EVC2: variants seen among roughly 807,000 people sequenced by gnomAD.
EVC2 encodes limbin.
EVC2 carries 148 observed loss-of-function variants against 149.3 expected under a neutral mutation model. That is an observed-to-expected ratio of 0.99 (90% CI 0.87 to 1.14). EVC2 has a LOEUF of 1.14. Ranked by LOEUF, EVC2 falls within the 50% of genes most tolerant of loss-of-function variation. The pLI is 0.00. For missense variants in EVC2, 1,854 were observed against 1,627.3 expected (o/e 1.14, Z -2.40); for synonymous variants, 776 against 649.9 (o/e 1.19, Z -2.95).
downstream of EVC2, among the ~76,000 whole-genome samples, chr4:5,539,233 C>T (rs146971719): frequency 2.6e-3 from 389 of 152,258 alleles, 3 homozygotes; most frequent in African/African-American, 8.9e-3. Flanking sequence ...ATGGATGAAT[C>T]TGACAAAAGT....
intron 15 of EVC2, among the ~76,000 whole-genome samples, chr4:5,616,996 C>G (rs990816058): frequency 1.3e-5 from 2 of 152,154 alleles, no homozygotes; most frequent in Non-Finnish European, 2.9e-5. Context: ...TATTTTCCCC[C>G]ATTGTTCAAA....
intron 1 of EVC2, among the ~76,000 whole-genome samples, chr4:5,703,194 A>G (rs935129807): frequency 2.0e-5 from 3 of 152,230 alleles, no homozygotes. Context: ...GCTTAAAGTC[A>G]AAGTATCCAA....
At chr4:5,615,604 T>A in intron 15 of EVC2, 60 bp from the exon 16 acceptor site, 2 of 1,612,694 alleles carry the variant, frequency 1.2e-6, no homozygotes, top group African/African-American at 1.3e-5. Flanking sequence ...TCCATGCAGC[T>A]CCCCCGAGGG....
At chr4:5,581,870 C>A (rs1711831409) in intron 17 of EVC2, among the ~76,000 whole-genome samples, 2 of 152,248 alleles carry the variant, frequency 1.3e-5, no homozygotes, top group Non-Finnish European at 2.9e-5. Context: ...CCAGCCTCAG[C>A]TCAAAGGACC....
rs1722012396 is a variant in EVC2, at chr4:5,562,439, T to C, written c.*409A>G. The C allele has an allele frequency of 9.6e-7, 1 of 1,041,134 alleles. No homozygotes were observed. Among genetic ancestry groups the C allele is most frequent in the Non-Finnish European group, 1.2e-6 (1 of 856,940 alleles). 64.5% of individuals were successfully genotyped at this position (1,041,134 alleles called of 1,614,324 possible). A position where few individuals can be genotyped will look rare whatever the true frequency, so the allele number is the denominator to read the frequency against. ...AAACATGGGTTTTGTAATAAACAGC[T>C]TTGTGCAAAACACATTTATTTTTTA... On this transcript the variant is annotated 3_prime_UTR_variant, in exon 22 of 22. Transcript: ENST00000344408. This position sits in a 1 kb window ranked among gnomAD's most constrained non-coding sequence, Gnocchi z 4.3.
At chr4:5,575,772 A>G (rs1053608497) in intron 18 of EVC2, among the ~76,000 whole-genome samples, 1 of 152,248 alleles carries the variant, frequency 6.6e-6, no homozygotes, top group Admixed American at 6.5e-5. Flanking sequence ...CAACAACAAC[A>G]AAAAGACTGG....
chr4:5,676,138 C>A (rs972764399), intron 7 of EVC2, among the ~76,000 whole-genome samples: 1 of 152,142 alleles, frequency 6.6e-6, no homozygotes, highest in Non-Finnish European at 1.5e-5. Flanking sequence ...AAGGGGATAT[C>A]TAGTGCCATC....
Position 5,633,769 on chromosome 4 carries a change from A to G in EVC2, c.1471-1737T>C, listed in dbSNP as rs556783149. Among the ~76,000 whole-genome samples, 8 of 152,350 alleles carry G rather than the reference A, an allele frequency of 5.3e-5. No homozygotes were observed. Among genetic ancestry groups the G allele is most frequent in the African/African-American group, 1.9e-4 (8 of 41,596 alleles). On this transcript the variant is annotated intron_variant, in intron 10 of 21. Transcript: ENST00000344408. This position sits in a 1 kb window ranked among gnomAD's most constrained non-coding sequence, Gnocchi z 4.4. ...GGCCAGAGCTCCTTCAGGCTAAACAAGGTTGGAATGCTCTATCACCCACCA... is the reference window on the plus strand; with the variant it reads ...GGCCAGAGCTCCTTCAGGCTAAACAGGGTTGGAATGCTCTATCACCCACCA...
downstream of EVC2, among the ~76,000 whole-genome samples, chr4:5,561,962 G>A (rs114248858): frequency 0.14 from 21,774 of 151,976 alleles, 2,096 homozygotes; most frequent in Admixed American, 0.26. Context: ...TTATTTGCCC[G>A]GCTGACACCA....
At position 5,677,922 on chromosome 4, in the gene EVC2, T is replaced by C. The variant is rs1720099675; in HGVS notation, c.870+3338A>G. Among the ~76,000 whole-genome samples, 1 of 152,198 alleles carries C rather than the reference T, an allele frequency of 6.6e-6. No homozygotes were observed. Among genetic ancestry groups the C allele is most frequent in the Non-Finnish European group, 1.5e-5 (1 of 68,040 alleles). On this transcript the variant is annotated intron_variant, in intron 7 of 21. Coordinates refer to ENST00000344408, the MANE Select transcript of EVC2 (RefSeq NM_147127.5). This position sits in a 1 kb window ranked among gnomAD's most constrained non-coding sequence, Gnocchi z 4.3. ...TTGTACTTTCTCTTCGTCTCTTCTG[T>C]GCAGGACTCTGGCTCTCTGGGAGGC...
the EVC2 span, among the ~76,000 whole-genome samples, chr4:5,530,159 A>C: frequency 6.6e-6 from 1 of 152,162 alleles, no homozygotes; most frequent in Non-Finnish European, 1.5e-5. Flanking sequence ...ACTTCTTGTC[A>C]TTACATGCAA....
At chr4:5,603,979 CAT>C (rs1241910532) in intron 16 of EVC2, among the ~76,000 whole-genome samples, 1 of 152,200 alleles carries the variant, frequency 6.6e-6, no homozygotes, top group Non-Finnish European at 1.5e-5. Flanking sequence ...CAGGGATGGA[CAT>C]GGAGAGGCCT....
At position 5,640,995 on chromosome 4, in the gene EVC2, T is replaced by C. The variant is rs573479617; in HGVS notation, c.1146-157A>G. Among the ~76,000 whole-genome samples the C allele has an allele frequency of 3.3e-5, 5 of 152,304 alleles. No individual in the cohort carries two copies. Among genetic ancestry groups the C allele is most frequent in the African/African-American group, 1.2e-4 (5 of 41,566 alleles). ...CGCTCACTTCTGCTTCATCCAGTTA[T>C]TGAAGGCCATTAGCTGACTCTTACT... On this transcript the variant is annotated intron_variant, in intron 9 of 21. Transcript: ENST00000344408. This position sits in a 1 kb window ranked among gnomAD's most constrained non-coding sequence, Gnocchi z 4.6.
chr4:5,605,290 CTCTG>C (rs1357410486), intron 16 of EVC2, among the ~76,000 whole-genome samples: 2 of 152,190 alleles, frequency 1.3e-5, no homozygotes, highest in African/African-American at 4.8e-5. Context: ...CTGGAGTGTG[CTCTG>C]TCTCTTTCTG....
intron 7 of EVC2, among the ~76,000 whole-genome samples, chr4:5,668,859 C>T (rs1478031944): frequency 1.3e-5 from 2 of 152,158 alleles, no homozygotes; most frequent in African/African-American, 4.8e-5. Context: ...ATGTTGAAGT[C>T]CTAACCCCAA....
intron 9 of EVC2, among the ~76,000 whole-genome samples, chr4:5,644,797 T>C (rs945908213): frequency 6.6e-6 from 1 of 152,360 alleles, no homozygotes. Context: ...TTTCTGTGAC[T>C]GGCTTATTTC....
intron 9 of EVC2, among the ~76,000 whole-genome samples, chr4:5,644,213 T>A (rs975520985): frequency 2.6e-5 from 4 of 152,212 alleles, no homozygotes; most frequent in African/African-American, 9.6e-5. Context: ...AACTAACAGA[T>A]CTAAGATCTT....
rs774657144 is a variant in EVC2 at position 5,615,468 on chromosome 4, T to C, written c.2783A>G (p.Lys928Arg). The C allele has an allele frequency of 8.1e-6, 13 of 1,614,220 alleles. No individual in the cohort carries two copies. Among genetic ancestry groups the C allele is most frequent in the South Asian group, 4.4e-5 (4 of 91,088 alleles). ...GGCCTGTTCCTCACAGAGGTGAATT[T>C]TGTCTTCGATGCACTTCTTCAGAAG... is the stretch of plus-strand genomic sequence containing the variant. ...GELLKKCIED[K>R]IHLCEEQASE... The change falls in exon 16 of 22, where the codon AAA becomes AGA. Residue 928 changes from lysine to arginine, a missense_variant. Coordinates refer to ENST00000344408, the MANE Select transcript of EVC2 (RefSeq NM_147127.5).
In EVC2 at chr4:5,665,445, C is replaced by A. The variant is rs1719202059; in HGVS notation, c.1005+70G>T. 1.9e-6 allele frequency: 3 copies of A among 1,610,284 alleles called. No homozygotes were observed. In the Admixed American group the frequency reaches 5.0e-5, roughly 27 times the overall value. ...GCTGATGGGGATCCAGGGCTGAGAC[C>A]CACAGAACTGGGGGATGAACTTCAA... On this transcript the variant is annotated intron_variant, in intron 8 of 21. Transcript: ENST00000344408.
Sources: allele counts gnomAD v4.1 joint callset (sites outside exome capture counted in the v4.1 genomes callset), GRCh38; gene constraint gnomAD v4.1.1; non-coding constraint Gnocchi (gnomAD v3.1); transcripts MANE v1.5; gene names NCBI Gene and HGNC (gene_info 2026-07-23, HGNC 2026-07-21).